Variants in PTPN13 observed in about 807,000 individuals in gnomAD.
PTPN13 encodes protein tyrosine phosphatase non-receptor type 13.
In PTPN13, 191 loss-of-function variants were observed where a neutral mutation model predicts 284.0. That is an observed-to-expected ratio of 0.67 (90% confidence interval 0.60 to 0.76). PTPN13 has a LOEUF of 0.76. Among genes scored for constraint, PTPN13 ranks in the 30% least tolerant of loss-of-function variants. The pLI, the probability that PTPN13 is intolerant of heterozygous loss-of-function variation, is 0.00. For missense variants in PTPN13, 2,797 were observed against 2,939.9 expected, an observed-to-expected ratio of 0.95 and a Z score of 1.12; for synonymous variants, 986 against 1,022.3, an observed-to-expected ratio of 0.96 and a Z score of 0.68.
intron 1 of PTPN13, among the ~76,000 whole-genome samples, chr4:86,616,914 C>T (rs186001631): frequency 9.2e-5 from 14 of 152,224 alleles, no homozygotes; most frequent in Non-Finnish European, 1.5e-4. Flanking sequence ...TTAAGAGTCA[C>T]CAAGACTGGA....
chr4:86,597,993 AT>A (rs1050311469), intron 1 of PTPN13, among the ~76,000 whole-genome samples: 2 of 152,168 alleles, frequency 1.3e-5, no homozygotes, highest in African/African-American at 4.8e-5. Flanking sequence ...AAGTATGAAA[AT>A]TCTCTGAAAC....
chr4:86,781,921 C>T (rs1741348559), intron 36 of PTPN13, among the ~76,000 whole-genome samples: 1 of 150,960 alleles, frequency 6.6e-6, no homozygotes, highest in African/African-American at 2.4e-5. Flanking sequence ...CGAGATCGCA[C>T]CACTGCACTC....
chr4:86,787,846 G>T (rs948999788), intron 40 of PTPN13, among the ~76,000 whole-genome samples: 1 of 152,008 alleles, frequency 6.6e-6, no homozygotes, highest in Non-Finnish European at 1.5e-5. Context: ...TCATTTTATT[G>T]TAAGGTTATA....
In PTPN13 at chr4:86,689,471, T is replaced by C. The variant is rs1300235325; in HGVS notation, c.546+281T>C. ...GTCTCCTCTTGTTTTCTTTCTTAGATCTTTTCCCAAGGAGCTTTTAGCAAA... is the reference window on the plus strand; with the variant it reads ...GTCTCCTCTTGTTTTCTTTCTTAGACCTTTTCCCAAGGAGCTTTTAGCAAA... On this transcript the variant is annotated intron_variant, in intron 5 of 47. Coordinates refer to ENST00000411767, the MANE Select transcript of PTPN13 (RefSeq NM_080683.3). 22 of 574,106 alleles carry C rather than the reference T, an allele frequency of 3.8e-5. 1 individual carries two copies. In the South Asian group the frequency reaches 4.9e-4, roughly 13 times the overall value. 35.6% of individuals were successfully genotyped at this position (574,106 alleles called of 1,614,324 possible). A position where few individuals can be genotyped will look rare whatever the true frequency, so the allele number is the denominator to read the frequency against.
At chr4:86,803,262 A>G (rs1744249086) in intron 42 of PTPN13, among the ~76,000 whole-genome samples, 1 of 150,678 alleles carries the variant, frequency 6.6e-6, no homozygotes, top group African/African-American at 2.4e-5. Context: ...ATACACACAC[A>G]CATATATAAA....
intron 12 of PTPN13, among the ~76,000 whole-genome samples, chr4:86,733,357 T>A (rs1013244160): frequency 4.6e-5 from 7 of 152,118 alleles, no homozygotes; most frequent in Non-Finnish European, 7.4e-5. Context: ...ATCTCCTTTT[T>A]AAATAAATCA....
intron 45 of PTPN13, among the ~76,000 whole-genome samples, chr4:86,809,054 T>C (rs1744942485): frequency 6.6e-6 from 1 of 152,058 alleles, no homozygotes; most frequent in Admixed American, 6.6e-5. Flanking sequence ...GTGCACATTG[T>C]ATTTAAAGCC....
chr4:86,767,969 C>T lies in PTPN13; in HGVS notation c.4482C>T (p.Val1494=). 6.2e-7 allele frequency: 1 copy of T among 1,609,912 alleles called. No individual in the cohort carries two copies. Among genetic ancestry groups the T allele is most frequent in the Non-Finnish European group, 8.5e-7 (1 of 1,178,634 alleles). The change falls in exon 28 of 48, where the codon GTC becomes GTT. Residue 1494 remains valine, a synonymous_variant. Transcript: ENST00000411767. The stretch of plus-strand genomic sequence containing the variant: ...CTCAGGTCAAAGACTACAGCTTTGT[C>T]ACTGAAGGTCAGGCCTTGGGAGACT... ...KTTQVKDYSF[V]TEENTFEVKL...
intron 1 of PTPN13, among the ~76,000 whole-genome samples, chr4:86,623,672 T>A (rs996529714): frequency 3.3e-5 from 5 of 152,194 alleles, no homozygotes; most frequent in African/African-American, 1.2e-4. Context: ...ACTTTCAGGA[T>A]TCTGTCTTTT....
chr4:86,713,549 C>G (rs973699710), intron 7 of PTPN13, among the ~76,000 whole-genome samples: 1 of 151,814 alleles, frequency 6.6e-6, no homozygotes, highest in Non-Finnish European at 1.5e-5. Flanking sequence ...AAAAAAAGTA[C>G]TGGTAAATAC....
intron 3 of PTPN13, among the ~76,000 whole-genome samples, chr4:86,684,705 G>T (rs1394304675): frequency 6.6e-6 from 1 of 151,958 alleles, no homozygotes; most frequent in Non-Finnish European, 1.5e-5. Context: ...TTATAGAATT[G>T]AAAAATAAAG....
intron 1 of PTPN13, among the ~76,000 whole-genome samples, chr4:86,601,720 T>C (rs1434614986): frequency 2.0e-5 from 3 of 152,154 alleles, no homozygotes; most frequent in Non-Finnish European, 4.4e-5. Flanking sequence ...TAACATTCAA[T>C]TGAAAAAATG....
Position 86,814,539 on chromosome 4 carries a change from G to A in PTPN13, c.7446G>A (p.Gln2482=), listed in dbSNP as rs765159068. 1 of 1,610,816 alleles carries A rather than the reference G, an allele frequency of 6.2e-7. No individual in the cohort carries two copies. Among genetic ancestry groups the A allele is most frequent in the Non-Finnish European group, 8.5e-7 (1 of 1,177,498 alleles). The stretch of plus-strand genomic sequence containing the variant: ...AAGAAGAGCAAAAACAGCAGCCTCA[G>A]CTTCTGAAGTGACATGAAAAGAGCC... ...QAEEEQKQQP[Q]LLK The change falls in exon 48 of 48, where the codon CAG becomes CAA. Residue 2482 remains glutamine, a synonymous_variant. Transcript: ENST00000411767.
chr4:86,783,534 C>G (rs1741568073), intron 37 of PTPN13, among the ~76,000 whole-genome samples: 1 of 151,902 alleles, frequency 6.6e-6, no homozygotes, highest in Admixed American at 6.6e-5. Context: ...GAGTTAAAAT[C>G]TTCCAGGAAG....
chr4:86,813,417 A>G (rs892833435), intron 47 of PTPN13, among the ~76,000 whole-genome samples: 1 of 152,168 alleles, frequency 6.6e-6, no homozygotes, highest in South Asian at 2.1e-4. Flanking sequence ...TTTTGTTCCA[A>G]AATATTTAAA....
chr4:86,801,001 A>G (rs1337169072), intron 42 of PTPN13, among the ~76,000 whole-genome samples: 2 of 152,212 alleles, frequency 1.3e-5, no homozygotes, highest in African/African-American at 2.4e-5. Context: ...ATTGCTGCCT[A>G]TATCTTAGCT....
In PTPN13 at chr4:86,635,383, C is replaced by A; in HGVS notation, c.115+12C>A. On this transcript the variant is annotated intron_variant, in intron 2 of 47. Coordinates refer to ENST00000411767, the MANE Select transcript of PTPN13 (RefSeq NM_080683.3). ...ATTATTCAGAAAAGGTAAGCTGCTGCTGCTGCTGCTGTTGTTGTTGTTGTT... is the reference window on the plus strand; with the variant it reads ...ATTATTCAGAAAAGGTAAGCTGCTGATGCTGCTGCTGTTGTTGTTGTTGTT... 6.3e-7 allele frequency: 1 copy of A among 1,575,220 alleles called. No individual in the cohort carries two copies. Among genetic ancestry groups the A allele is most frequent in the Non-Finnish European group, 8.6e-7 (1 of 1,159,998 alleles).
intron 10 of PTPN13, among the ~76,000 whole-genome samples, chr4:86,727,421 C>T (rs1014423759): frequency 6.7e-6 from 1 of 149,344 alleles, no homozygotes; most frequent in African/African-American, 2.4e-5. Flanking sequence ...TGGTAGAATT[C>T]GGCTGTCAGT....
intron 10 of PTPN13, among the ~76,000 whole-genome samples, chr4:86,731,160 T>G (rs902822435): frequency 6.6e-6 from 1 of 152,152 alleles, no homozygotes; most frequent in Non-Finnish European, 1.5e-5. Context: ...TCTGGTAACA[T>G]TCATTAGTTC....
Sources: allele counts gnomAD v4.1 joint callset (sites outside exome capture counted in the v4.1 genomes callset), GRCh38; gene constraint gnomAD v4.1.1; transcripts MANE v1.5; gene names NCBI Gene and HGNC (gene_info 2026-07-23, HGNC 2026-07-21).